Variants in CFAP299 observed in about 807,000 individuals in gnomAD.
CFAP299 encodes the protein cilia- and flagella-associated protein 299.
CFAP299 carries 21 observed loss-of-function variants against 27.0 expected under a neutral mutation model. That is an observed-to-expected ratio of 0.78 (90% confidence interval 0.55 to 1.12). CFAP299 has a LOEUF of 1.12. Ranked by LOEUF, CFAP299 falls within the 50% of genes most tolerant of loss-of-function variation. The pLI, the probability that CFAP299 is intolerant of heterozygous loss-of-function variation, is 0.00. For missense variants in CFAP299, 310 were observed against 276.6 expected, an observed-to-expected ratio of 1.12 and a Z score of -0.86; for synonymous variants, 104 against 98.1, an observed-to-expected ratio of 1.06 and a Z score of -0.36.
intron 3 of CFAP299, among the ~76,000 whole-genome samples, chr4:80,678,912 C>T (rs1719647928): frequency 6.6e-6 from 1 of 152,050 alleles, no homozygotes; most frequent in African/African-American, 2.4e-5. Context: ...GGTAACTAGA[C>T]TACAAACCTT....
chr4:80,924,538 G>GTGTGTGTGTATA (rs5859742), intron 4 of CFAP299, among the ~76,000 whole-genome samples: 1 of 131,670 alleles, frequency 7.6e-6, no homozygotes, highest in Non-Finnish European at 1.6e-5. Context: ...GTGTGTGTGT[G>GTGTGTGTGTATA]TATATATATA....
intron 3 of CFAP299, among the ~76,000 whole-genome samples, chr4:80,692,103 A>C (rs1720750025): frequency 6.6e-6 from 1 of 152,242 alleles, no homozygotes; most frequent in Non-Finnish European, 1.5e-5. Flanking sequence ...CAATATCATG[A>C]AAATGGCCAT....
At chr4:80,897,789 C>T (rs1036206819) in intron 4 of CFAP299, among the ~76,000 whole-genome samples, 2 of 152,134 alleles carry the variant, frequency 1.3e-5, no homozygotes, top group Non-Finnish European at 2.9e-5. Flanking sequence ...CTGTGTCTTT[C>T]CCCACATAAC....
intron 2 of CFAP299, among the ~76,000 whole-genome samples, chr4:80,513,755 AT>A (rs1427440332): frequency 1.3e-5 from 2 of 152,184 alleles, no homozygotes; most frequent in East Asian, 3.9e-4. Flanking sequence ...ATTTAATAGT[AT>A]TTTTTTCCAA....
intron 3 of CFAP299, among the ~76,000 whole-genome samples, chr4:80,769,781 A>G (rs72866736): frequency 0.19 from 28,842 of 152,188 alleles, 4,858 homozygotes; most frequent in African/African-American, 0.45. Context: ...TCAACAAGCC[A>G]AAATCAAGGT....
intron 2 of CFAP299, among the ~76,000 whole-genome samples, chr4:80,460,270 G>A (rs1280836557): frequency 1.3e-5 from 2 of 152,148 alleles, no homozygotes; most frequent in Non-Finnish European, 2.9e-5. Flanking sequence ...GGTAGGGGGA[G>A]CCGGTGTGCC....
intron 4 of CFAP299, among the ~76,000 whole-genome samples, chr4:80,939,968 G>T (rs140842431): frequency 6.6e-6 from 1 of 152,234 alleles, no homozygotes; most frequent in Non-Finnish European, 1.5e-5. Flanking sequence ...ACATGGCAAT[G>T]CCCTGAAGTA....
intron 3 of CFAP299, among the ~76,000 whole-genome samples, chr4:80,715,483 C>T (rs1381310294): frequency 6.6e-6 from 1 of 151,846 alleles, no homozygotes; most frequent in African/African-American, 2.4e-5. Context: ...TTTCTTGTTT[C>T]TGATGTGGTA....
chr4:80,878,158 G>A (rs1733515567), intron 4 of CFAP299, among the ~76,000 whole-genome samples: 1 of 152,020 alleles, frequency 6.6e-6, no homozygotes, highest in African/African-American at 2.4e-5. Context: ...CATTGCTTGT[G>A]TCTCTTTACT....
intron 3 of CFAP299, among the ~76,000 whole-genome samples, chr4:80,753,009 T>C (rs1028407878): frequency 6.6e-6 from 1 of 152,092 alleles, no homozygotes; most frequent in African/African-American, 2.4e-5. Context: ...AGCACGTTTG[T>C]ATTGTAAAGC....
At chr4:80,669,498 A>C (rs1741348029) in intron 3 of CFAP299, among the ~76,000 whole-genome samples, 1 of 150,882 alleles carries the variant, frequency 6.6e-6, no homozygotes, top group South Asian at 2.1e-4. Context: ...GGCATATATA[A>C]ATGCCACTGA....
At chr4:80,859,110 T>A (rs1732137960) in intron 3 of CFAP299, among the ~76,000 whole-genome samples, 1 of 152,190 alleles carries the variant, frequency 6.6e-6, no homozygotes, top group Admixed American at 6.5e-5. Context: ...TGGGTGCATA[T>A]ATATTTAGGA....
At chr4:80,718,887 CTT>C (rs1377919422) in intron 3 of CFAP299, among the ~76,000 whole-genome samples, 2 of 151,912 alleles carry the variant, frequency 1.3e-5, no homozygotes, top group African/African-American at 4.8e-5. Flanking sequence ...CACTAATGTG[CTT>C]TGAATGTCCA....
chr4:80,923,970 T>C (rs1736173804), intron 4 of CFAP299, among the ~76,000 whole-genome samples: 1 of 152,038 alleles, frequency 6.6e-6, no homozygotes. Context: ...TGATTTGATA[T>C]CTGAGATTTG....
chr4:80,390,161 T>A (rs1046665593), intron 2 of CFAP299, among the ~76,000 whole-genome samples: 2 of 152,062 alleles, frequency 1.3e-5, no homozygotes, highest in Admixed American at 6.6e-5. Flanking sequence ...CTTAGCACAT[T>A]TCAAGTATAC....
At chr4:80,858,758 A>G (rs536251140) in intron 3 of CFAP299, among the ~76,000 whole-genome samples, 11 of 151,672 alleles carry the variant, frequency 7.3e-5, no homozygotes, top group Middle Eastern at 3.4e-3. Context: ...GTTTGATTGC[A>G]CTCTGGTCTG....
intron 4 of CFAP299, among the ~76,000 whole-genome samples, chr4:80,922,954 G>T (rs1435499675): frequency 4.0e-5 from 6 of 151,590 alleles, no homozygotes; most frequent in Non-Finnish European, 8.8e-5. Context: ...TTGAAAGAGA[G>T]AATGATAAGC....
At chr4:80,815,568 A>G (rs1423523285) in intron 3 of CFAP299, among the ~76,000 whole-genome samples, 2 of 152,092 alleles carry the variant, frequency 1.3e-5, no homozygotes, top group Non-Finnish European at 2.9e-5. Flanking sequence ...TTAGTTTAAA[A>G]GTTAATAAAA....
At chr4:80,456,630 T>C (rs1729175178) in intron 2 of CFAP299, among the ~76,000 whole-genome samples, 1 of 152,138 alleles carries the variant, frequency 6.6e-6, no homozygotes, top group Non-Finnish European at 1.5e-5. Context: ...GAAGGATACA[T>C]GGAGGATTGG....
Sources: gnomAD v4.1 joint callset for allele counts (sites outside exome capture counted in the v4.1 genomes callset) on GRCh38, gnomAD v4.1.1 for gene constraint, MANE v1.5 for transcripts, NCBI Gene and HGNC (gene_info 2026-07-23, HGNC 2026-07-21) for gene names.